MGAT4C: variants seen among roughly 807,000 people sequenced by gnomAD.
MGAT4C encodes the protein MGAT4 family member C.
MGAT4C carries 19 observed loss-of-function variants against 40.1 expected under a neutral mutation model. The ratio of observed to expected loss-of-function variants is 0.47; its 90% CI spans 0.33 to 0.70. The LOEUF (loss-of-function observed/expected upper bound fraction) is 0.70. MGAT4C is among the 30% of genes least tolerant of loss of function. The pLI is 0.02. For synonymous variants in MGAT4C, 181 were observed against 187.1 expected (o/e 0.97, Z 0.27); for missense variants, 491 against 563.2 (o/e 0.87, Z 1.30).
intron 4 of MGAT4C, among the ~76,000 whole-genome samples, chr12:86,271,329 TTACA>T (rs1188101055): frequency 6.6e-6 from 1 of 152,112 alleles, no homozygotes; most frequent in Non-Finnish European, 1.5e-5. Flanking sequence ...GACCAACTAA[TTACA>T]AATAATCCCA....
chr12:86,574,245 C>T (rs1413755104), intron 2 of MGAT4C, among the ~76,000 whole-genome samples: 1 of 151,630 alleles, frequency 6.6e-6, no homozygotes, highest in South Asian at 2.1e-4. Flanking sequence ...TATCAAAGAG[C>T]CTTCAGTTCC....
At chr12:86,228,134 A>G in intron 1 of MGAT4C, among the ~76,000 whole-genome samples, 1 of 151,876 alleles carries the variant, frequency 6.6e-6, no homozygotes, top group East Asian at 1.9e-4. Flanking sequence ...TGCTGCTCTG[A>G]GCCACATGGC....
intron 2 of MGAT4C, among the ~76,000 whole-genome samples, chr12:86,599,049 C>T (rs1216544114): frequency 6.6e-6 from 1 of 152,056 alleles, no homozygotes; most frequent in East Asian, 1.9e-4. Context: ...ATAAGTACAC[C>T]ATTCCTTCTT....
chr12:86,186,654 T>G (rs964373610), intron 1 of MGAT4C, among the ~76,000 whole-genome samples: 2 of 152,106 alleles, frequency 1.3e-5, no homozygotes, highest in Non-Finnish European at 2.9e-5. Context: ...GACCCCTAGT[T>G]GCACAGGAGA....
chr12:86,457,230 A>G (rs1592870318), intron 2 of MGAT4C, among the ~76,000 whole-genome samples: 1 of 152,146 alleles, frequency 6.6e-6, no homozygotes, highest in East Asian at 1.9e-4. Flanking sequence ...CAACTACTTA[A>G]CCTGCTATAG....
chr12:86,361,380 A>C (rs1219650155), intron 3 of MGAT4C, among the ~76,000 whole-genome samples: 1 of 151,934 alleles, frequency 6.6e-6, no homozygotes, highest in Non-Finnish European at 1.5e-5. Context: ...AACCATAAAA[A>C]CTCTAGAAGA....
At chr12:86,529,490 AT>A (rs36037912) in intron 2 of MGAT4C, among the ~76,000 whole-genome samples, 6 of 151,332 alleles carry the variant, frequency 4.0e-5, no homozygotes, top group Admixed American at 1.3e-4. Context: ...GTGGCAGGCA[AT>A]TTTTTTTTCT....
Position 86,700,035 on chromosome 12 carries a change from A to ATAGATAG in MGAT4C, c.-229+27173_-229+27174insCTATCTA, listed in dbSNP as rs1950327765. 1.9e-3 allele frequency among the ~76,000 whole-genome samples: 288 copies of ATAGATAG among 147,738 alleles called. 3 individuals are homozygous for ATAGATAG. The highest frequency in any genetic ancestry group is 6.6e-3 in the African/African-American group (262 of 39,802). ...GTTGTTCAGGGGTCAAATTTAGATA[A>ATAGATAG]ATAGATAGATAGATAGATAGATAGA... On this transcript the variant is annotated intron_variant, in intron 2 of 7. Transcript: ENST00000548651.
intron 2 of MGAT4C, among the ~76,000 whole-genome samples, chr12:86,640,317 T>G (rs1413700618): frequency 1.3e-5 from 2 of 151,824 alleles, no homozygotes; most frequent in Non-Finnish European, 2.9e-5. Flanking sequence ...TAATAAGTAC[T>G]TGAGTTATTT....
At chr12:86,068,945 G>A (rs1298806353) in intron 1 of MGAT4C, among the ~76,000 whole-genome samples, 6 of 152,072 alleles carry the variant, frequency 3.9e-5, no homozygotes, top group Non-Finnish European at 7.4e-5. Flanking sequence ...ATATAGTATT[G>A]CTTTAGGTGG....
chr12:86,162,643 T>C (rs1047184813), intron 1 of MGAT4C, among the ~76,000 whole-genome samples: 1 of 152,110 alleles, frequency 6.6e-6, no homozygotes, highest in Non-Finnish European at 1.5e-5. Context: ...AAATGAAGGT[T>C]GAAGTAAAAA....
In MGAT4C at chr12:85,979,371, T is replaced by C. The variant is rs775586689; in HGVS notation, c.1355A>G (p.Asp452Gly). Residue 452 changes from aspartate (D) to glycine (G), a missense_variant, in exon 5 of 5, where the codon GAT (aspartate) becomes GGT (glycine). Asp to Gly is a moderately conservative substitution (Grantham distance 94, BLOSUM62 -1). Transcript: ENST00000611864. The part of the protein sequence containing the change: ...MSGVNQKIPF[D>G]IHCMRIYVTK... ...GACATATATCCTCATACAATGTATA[T>C]CAAATGGAATTTTTTGATTTACACC... 1 of 1,612,730 alleles carries C rather than the reference T, an allele frequency of 6.2e-7. No individual in the cohort carries two copies. The highest frequency in any genetic ancestry group is 8.5e-7 in the Non-Finnish European group (1 of 1,179,086).
chr12:86,686,217 A>T (rs1434830453), intron 2 of MGAT4C, among the ~76,000 whole-genome samples: 1 of 151,982 alleles, frequency 6.6e-6, no homozygotes, highest in African/African-American at 2.4e-5. Flanking sequence ...TTGTATTCTG[A>T]GACTTTGCTG....
intron 2 of MGAT4C, among the ~76,000 whole-genome samples, chr12:86,642,930 A>G (rs1474435075): frequency 6.6e-6 from 1 of 151,774 alleles, no homozygotes; most frequent in Admixed American, 6.6e-5. Context: ...GGGATGTAAA[A>G]TGATGTAACT....
rs1019786356 is a variant in MGAT4C at position 85,962,703 on chromosome 12, C to T, written c.*16586G>A. The T allele has an allele frequency of 3.3e-5, 5 of 150,864 alleles. No individual in the cohort carries two copies. The highest frequency in any genetic ancestry group is 1.2e-4 in the African/African-American group (5 of 41,234). The allele number at this position is 150,864 out of a possible 1,614,324, so 9.3% of individuals were successfully genotyped here. On this transcript the variant is annotated 3_prime_UTR_variant, in exon 5 of 5. Coordinates refer to ENST00000611864, the MANE Select transcript of MGAT4C (RefSeq NM_001351288.2). The stretch of plus-strand genomic sequence containing the variant: ...ATTATTAATATATCAGTGCTATCAA[C>T]TACATTTTACATAGGATGAAAAAAA...
At chr12:86,183,966 C>T (rs1888427045) in intron 1 of MGAT4C, among the ~76,000 whole-genome samples, 1 of 152,086 alleles carries the variant, frequency 6.6e-6, no homozygotes, top group African/African-American at 2.4e-5. Context: ...TCCATCAAGC[C>T]ATTTAAAAAT....
chr12:86,039,625 C>T (rs562181100), intron 2 of MGAT4C, among the ~76,000 whole-genome samples: 4 of 152,284 alleles, frequency 2.6e-5, no homozygotes, highest in African/African-American at 9.6e-5. Context: ...ATTCATCTAA[C>T]CTTTTTTCAA....
At chr12:86,440,711 T>C (rs1457522220) in intron 2 of MGAT4C, among the ~76,000 whole-genome samples, 14 of 152,208 alleles carry the variant, frequency 9.2e-5, no homozygotes, top group Non-Finnish European at 1.9e-4. Context: ...GATTTGATCA[T>C]ATACCTAGGA....
At chr12:86,269,757 A>C (rs1422424814) in intron 4 of MGAT4C, among the ~76,000 whole-genome samples, 2 of 152,122 alleles carry the variant, frequency 1.3e-5, no homozygotes, top group African/African-American at 2.4e-5. Flanking sequence ...GATTTAGACT[A>C]TATTAATGGA....
Sources: allele counts gnomAD v4.1 joint callset (sites outside exome capture counted in the v4.1 genomes callset), GRCh38; gene constraint gnomAD v4.1.1; transcripts MANE v1.5; gene names NCBI Gene and HGNC (gene_info 2026-07-23, HGNC 2026-07-21).